LOC400499: variants seen among roughly 807,000 people sequenced by gnomAD.
the LOC400499 span, among the ~76,000 whole-genome samples, chr16:11,377,494 G>A: frequency 2.0e-5 from 3 of 152,136 alleles, no homozygotes; most frequent in South Asian, 2.1e-4. Context: ...TTTCTATTTT[G>A]AGTCTGTATG....
chr16:11,501,017 A>T, the LOC400499 span: 2 of 398,558 alleles, frequency 5.0e-6, no homozygotes, highest in East Asian at 7.1e-5. Flanking sequence ...TGCAAAGCTC[A>T]TCTCACCGAA....
chr16:11,494,277 G>T, the LOC400499 span, among the ~76,000 whole-genome samples: 1 of 150,858 alleles, frequency 6.6e-6, no homozygotes, highest in African/African-American at 2.4e-5. Flanking sequence ...CCGCGGGCCA[G>T]CCTGGCGCCT....
At chr16:11,501,002 G>A in the LOC400499 span, 3 of 399,016 alleles carry the variant, frequency 7.5e-6, no homozygotes, top group Non-Finnish European at 1.3e-5. Context: ...CACGTGCTGA[G>A]CGCCTGCAAA....
chr16:11,462,676 G>A, the LOC400499 span, among the ~76,000 whole-genome samples: 2 of 152,118 alleles, frequency 1.3e-5, no homozygotes, highest in Non-Finnish European at 2.9e-5. Context: ...ACCCGCCCTG[G>A]CCTTCCAAAG....
the LOC400499 span, among the ~76,000 whole-genome samples, chr16:11,396,251 C>T: frequency 1.3e-5 from 2 of 152,352 alleles, no homozygotes; most frequent in African/African-American, 4.8e-5. Flanking sequence ...CACTGCCTCT[C>T]TGTTATAGGA....
At chr16:11,434,973 G>GATT in the LOC400499 span, among the ~76,000 whole-genome samples, 221 of 152,230 alleles carry the variant, frequency 1.5e-3, 2 homozygotes, top group African/African-American at 5.0e-3. Flanking sequence ...CTTTTTACAT[G>GATT]ATTATTATTA....
chr16:11,527,123 G>A, the LOC400499 span, among the ~76,000 whole-genome samples: 3 of 152,224 alleles, frequency 2.0e-5, no homozygotes, highest in Non-Finnish European at 4.4e-5. Context: ...CGCAGTCACT[G>A]CCATCAGCGG....
At chr16:11,402,761 C>T in the LOC400499 span, among the ~76,000 whole-genome samples, 1 of 152,196 alleles carries the variant, frequency 6.6e-6, no homozygotes, top group African/African-American at 2.4e-5. Flanking sequence ...CCAGGTGACC[C>T]ACAGCCTCGT....
chr16:11,471,822 A>C, the LOC400499 span: 1 of 399,076 alleles, frequency 2.5e-6, no homozygotes, highest in African/African-American at 2.1e-5. Flanking sequence ...AGGACACTGC[A>C]GAGAGAGGTA....
At chr16:11,482,412 G>A in the LOC400499 span, among the ~76,000 whole-genome samples, 2 of 152,226 alleles carry the variant, frequency 1.3e-5, no homozygotes, top group African/African-American at 2.4e-5. Context: ...GAGAATCTCT[G>A]TAACATCCCA....
At chr16:11,462,183 C>T in the LOC400499 span, 1 of 1,534,620 alleles carries the variant, frequency 6.5e-7, no homozygotes, top group Non-Finnish European at 8.7e-7. Context: ...TTGCTGCCCA[C>T]CTGCCGTGTG....
chr16:11,412,889 G>A, the LOC400499 span: 1 of 399,018 alleles, frequency 2.5e-6, no homozygotes, highest in Non-Finnish European at 4.4e-6. Flanking sequence ...GGTGGCCTGA[G>A]AATCGCAGGT....
At chr16:11,404,900 G>A in the LOC400499 span, 8 of 398,730 alleles carry the variant, frequency 2.0e-5, no homozygotes, top group South Asian at 1.3e-4. Flanking sequence ...GGGGGAACCC[G>A]ACCCATGCTT....
the LOC400499 span, among the ~76,000 whole-genome samples, chr16:11,402,637 C>G: frequency 1.3e-5 from 2 of 152,140 alleles, no homozygotes; most frequent in African/African-American, 2.4e-5. Flanking sequence ...GATGTCCTAG[C>G]GCAGCTGACA....
chr16:11,465,595 C>A, the LOC400499 span: 2 of 135,166 alleles, frequency 1.5e-5, no homozygotes, highest in African/African-American at 2.9e-5. Context: ...AGTAAGACCT[C>A]GTCTTCACAA....
the LOC400499 span, among the ~76,000 whole-genome samples, chr16:11,519,769 G>A: frequency 3.1e-4 from 47 of 150,746 alleles, no homozygotes; most frequent in South Asian, 8.4e-4. Flanking sequence ...GCAATGGCGC[G>A]ATCTTGGCTC....
chr16:11,457,698 A>T, the LOC400499 span, among the ~76,000 whole-genome samples: 5 of 152,296 alleles, frequency 3.3e-5, no homozygotes, highest in African/African-American at 7.2e-5. Context: ...AATCGAAAGC[A>T]TCAGATATTT....
chr16:11,446,625 A>G, the LOC400499 span: 1 of 1,536,074 alleles, frequency 6.5e-7, no homozygotes, highest in East Asian at 2.4e-5. Flanking sequence ...GATGCATCAG[A>G]CCTGCACAGA....
the LOC400499 span, among the ~76,000 whole-genome samples, chr16:11,489,544 C>A: frequency 2.6e-3 from 396 of 152,308 alleles, 1 homozygote; most frequent in African/African-American, 7.9e-3. Context: ...AACCCTCCCC[C>A]CATTGTCTCA....
Sources: allele counts gnomAD v4.1 joint callset (sites outside exome capture counted in the v4.1 genomes callset), GRCh38; gene constraint gnomAD v4.1.1; transcripts MANE v1.5.